The following HS3ST1 variants were observed in gnomAD, a reference collection of about 807,000 sequenced individuals.
HS3ST1 encodes the protein heparan sulfate-glucosamine 3-sulfotransferase 1.
HS3ST1 carries 8 observed loss-of-function variants against 20.7 expected under a neutral mutation model. The ratio of observed to expected loss-of-function variants is 0.39; its 90% CI spans 0.23 to 0.70. HS3ST1 has a LOEUF of 0.70. Ranked by LOEUF, HS3ST1 falls within the 30% of genes least tolerant of loss-of-function variation. The pLI is 0.46. For missense variants in HS3ST1, 436 were observed against 423.4 expected (o/e 1.03, Z -0.26); for synonymous variants, 205 against 190.4 (o/e 1.08, Z -0.63).
At chr4:11,423,021 CAAAA>C (rs71181101) in intron 1 of HS3ST1, among the ~76,000 whole-genome samples, 32 of 34,392 alleles carry the variant, frequency 9.3e-4, no homozygotes, top group African/African-American at 2.6e-3. Flanking sequence ...GAGACACCGT[CAAAA>C]AAAAAAAAAA....
At chr4:11,433,164 A>T (rs1272874089), upstream of HS3ST1, among the ~76,000 whole-genome samples, 2 of 152,224 alleles carry the variant, frequency 1.3e-5, no homozygotes, top group African/African-American at 4.8e-5. Context: ...TCTTTAATCT[A>T]AAAGTTTATC....
rs566094952 is a variant in HS3ST1 at position 11,427,235 on chromosome 4, C to T, written c.-109+1464G>A. ...AATGAAGGATCCTGCCTGTGCCAGG[C>T]TGCTGCCTCAGCAGTGTCCAAGCAC... On this transcript the variant is annotated intron_variant, in intron 1 of 1. Transcript: ENST00000002596. Among the ~76,000 whole-genome samples, 69 of 152,350 alleles carry T rather than the reference C, an allele frequency of 4.5e-4. 1 individual carries two copies. The highest frequency in any genetic ancestry group is 2.5e-3 in the Admixed American group (39 of 15,310).
At chr4:11,406,815 G>A (rs1213959194) in intron 1 of HS3ST1, among the ~76,000 whole-genome samples, 2 of 151,702 alleles carry the variant, frequency 1.3e-5, no homozygotes, top group African/African-American at 4.8e-5. Context: ...TTTCTGGAAC[G>A]TACTGAAACA....
intron 1 of HS3ST1, among the ~76,000 whole-genome samples, chr4:11,422,201 TATC>T (rs1718957383): frequency 6.6e-6 from 1 of 152,240 alleles, no homozygotes; most frequent in Admixed American, 6.5e-5. Context: ...GACTACGTCT[TATC>T]ATTCTTCTTT....
intron 1 of HS3ST1, among the ~76,000 whole-genome samples, chr4:11,427,419 C>A (rs890458831): frequency 6.6e-6 from 1 of 152,094 alleles, no homozygotes; most frequent in Non-Finnish European, 1.5e-5. Context: ...TCTCGGCCAC[C>A]CTCCCCGCCA....
chr4:11,410,445 C>T (rs1718589790), intron 1 of HS3ST1, among the ~76,000 whole-genome samples: 2 of 152,278 alleles, frequency 1.3e-5, no homozygotes, highest in South Asian at 2.1e-4. Context: ...TCATTCAGGG[C>T]AGTAGGAGAA....
intron 1 of HS3ST1, among the ~76,000 whole-genome samples, chr4:11,428,008 C>T (rs986271634): frequency 6.6e-6 from 1 of 152,190 alleles, no homozygotes; most frequent in African/African-American, 2.4e-5. Context: ...GTTCGCACCC[C>T]GCCATCCCTC....
chr4:11,431,961 A>G (rs546440303), upstream of HS3ST1, among the ~76,000 whole-genome samples: 2 of 152,172 alleles, frequency 1.3e-5, no homozygotes, highest in Non-Finnish European at 2.9e-5. Flanking sequence ...CTCAACCAAT[A>G]TTAGAGATTA....
intron 1 of HS3ST1, among the ~76,000 whole-genome samples, chr4:11,425,492 G>C: frequency 6.6e-6 from 1 of 152,174 alleles, no homozygotes; most frequent in East Asian, 1.9e-4. Context: ...AAACAAGAAA[G>C]GAATCATTCT....
chr4:11,398,867 T>G lies in HS3ST1; in HGVS notation c.*215A>C, dbSNP rs1441966846. On this transcript the variant is annotated 3_prime_UTR_variant, in exon 2 of 2. Transcript: ENST00000002596. Reference sequence around the variant, plus strand: ...CATATAGAGACATATTACACAATGTTAACAACCATGAAAAACAATACAAAA... The same window carrying G: ...CATATAGAGACATATTACACAATGTGAACAACCATGAAAAACAATACAAAA... 2.0e-6 allele frequency: 1 copy of G among 493,040 alleles called. No individual in the cohort carries two copies. Among genetic ancestry groups the G allele is most frequent in the Non-Finnish European group, 3.5e-6 (1 of 283,196 alleles). 30.5% of individuals were successfully genotyped at this position (493,040 alleles called of 1,614,324 possible). A position where few individuals can be genotyped will look rare whatever the true frequency, so the allele number is the denominator to read the frequency against.
intron 1 of HS3ST1, among the ~76,000 whole-genome samples, chr4:11,417,919 G>C (rs1718827620): frequency 6.6e-6 from 1 of 152,226 alleles, no homozygotes; most frequent in African/African-American, 2.4e-5. Context: ...TCAATTCAGA[G>C]TTACCATATT....
At chr4:11,424,831 T>C (rs976804237) in intron 1 of HS3ST1, among the ~76,000 whole-genome samples, 5 of 145,294 alleles carry the variant, frequency 3.4e-5, no homozygotes, top group East Asian at 4.1e-4. Context: ...CTGGGAGATA[T>C]GGACAAGGAG....
chr4:11,407,606 CACA>C (rs889906223), intron 1 of HS3ST1, among the ~76,000 whole-genome samples: 14 of 152,196 alleles, frequency 9.2e-5, no homozygotes, highest in African/African-American at 3.4e-4. Flanking sequence ...AGTCAACCCA[CACA>C]ACATTATTGT....
intron 1 of HS3ST1, among the ~76,000 whole-genome samples, chr4:11,407,315 C>T (rs868477034): frequency 1.1e-4 from 16 of 152,194 alleles, no homozygotes; most frequent in Middle Eastern, 6.8e-3. Flanking sequence ...CCCACTTTTT[C>T]CTTGAAAAAG....
At chr4:11,425,128 T>G (rs183349507) in intron 1 of HS3ST1, among the ~76,000 whole-genome samples, 1 of 152,322 alleles carries the variant, frequency 6.6e-6, no homozygotes, top group East Asian at 1.9e-4. Context: ...CTGTGAAGAT[T>G]CAGTCCAATC....
Position 11,393,316 on chromosome 4 carries a change from A to G in HS3ST1, c.*5766T>C, listed in dbSNP as rs575255886. The G allele has an allele frequency of 6.6e-6, 1 of 152,376 alleles. No individual in the cohort carries two copies. Among genetic ancestry groups the G allele is most frequent in the South Asian group, 2.1e-4 (1 of 4,830 alleles). The allele number at this position is 152,376 out of a possible 1,614,324, so 9.4% of individuals were successfully genotyped here. On this transcript the variant is annotated 3_prime_UTR_variant, in exon 2 of 2. Coordinates refer to ENST00000002596, the MANE Select transcript of HS3ST1 (RefSeq NM_005114.4). ...TTTGGTAGTCCGATAAGCTAATAAA[A>G]GAGCCTACTACTTGGTAACAATTTC...
In HS3ST1 at chr4:11,395,473, C is replaced by CTTTTTTTT. The variant is rs34905764; in HGVS notation, c.*3601_*3608dup. On this transcript the variant is annotated 3_prime_UTR_variant, in exon 2 of 2. Coordinates refer to ENST00000002596, the MANE Select transcript of HS3ST1 (RefSeq NM_005114.4). ...TTTTATTTTTTTATTATTAATTTAT[C>CTTTTTTTT]TTTTTTTTTTTTTTTTTTTTTTGAG... The CTTTTTTTT allele has an allele frequency of 6.6e-5, 5 of 76,114 alleles. No homozygotes were observed. Among genetic ancestry groups the CTTTTTTTT allele is most frequent in the African/African-American group, 1.1e-4 (2 of 18,014 alleles). The allele number at this position is 76,114 out of a possible 1,614,324, so 4.7% of individuals were successfully genotyped here. A position where few individuals can be genotyped will look rare whatever the true frequency, so the allele number is the denominator to read the frequency against.
intron 1 of HS3ST1, among the ~76,000 whole-genome samples, chr4:11,418,210 G>C (rs1718837618): frequency 1.3e-5 from 2 of 152,214 alleles, no homozygotes; most frequent in Admixed American, 1.3e-4. Context: ...GGATCGGCCA[G>C]AAGGCAGAGG....
intron 1 of HS3ST1, among the ~76,000 whole-genome samples, chr4:11,424,953 T>G (rs1277842880): frequency 5.3e-5 from 8 of 151,944 alleles, no homozygotes; most frequent in Admixed American, 5.2e-4. Context: ...TAAGTGAGTC[T>G]GAAGAGAGAG....
Sources: allele counts gnomAD v4.1 joint callset (sites outside exome capture counted in the v4.1 genomes callset), GRCh38; gene constraint gnomAD v4.1.1; transcripts MANE v1.5; gene names NCBI Gene and HGNC (gene_info 2026-07-23, HGNC 2026-07-21).